CSMD1: variants seen among roughly 807,000 people sequenced by gnomAD.
The protein encoded by CSMD1 is CUB and sushi domain-containing protein 1.
CSMD1 carries 213 observed loss-of-function variants against 417.5 expected under a neutral mutation model. That is an observed-to-expected ratio of 0.51 (90% CI 0.46 to 0.57). The LOEUF is 0.57. Among genes scored for constraint, CSMD1 ranks in the 20% least tolerant of loss-of-function variants. The pLI is 0.00. For missense variants in CSMD1, 6,923 were observed against 4,529.7 expected (o/e 1.53, Z -15.17); for synonymous variants, 2,862 against 1,736.8 (o/e 1.65, Z -16.11).
intron 12 of CSMD1, among the ~76,000 whole-genome samples, chr8:3,434,415 A>G (rs1380664620): frequency 6.6e-6 from 1 of 152,220 alleles, no homozygotes; most frequent in Non-Finnish European, 1.5e-5. Flanking sequence ...AGTTCCAGTT[A>G]ATTCAATATT....
intron 1 of CSMD1, among the ~76,000 whole-genome samples, chr8:4,795,563 G>A (rs1797933954): frequency 6.6e-6 from 1 of 151,950 alleles, no homozygotes; most frequent in South Asian, 2.1e-4. Flanking sequence ...CACCCGGCCA[G>A]CTTTCTTAAG....
chr8:3,378,940 A>C (rs559546175), intron 18 of CSMD1, among the ~76,000 whole-genome samples: 31 of 152,354 alleles, frequency 2.0e-4, no homozygotes, highest in African/African-American at 7.0e-4. Flanking sequence ...TCAAATAGGA[A>C]GAGATGAAGT....
intron 3 of CSMD1, among the ~76,000 whole-genome samples, chr8:4,106,516 G>C (rs1801576546): frequency 1.3e-5 from 2 of 152,000 alleles, no homozygotes; most frequent in African/African-American, 2.4e-5. Flanking sequence ...CAGAATGAGA[G>C]CCTCCTATGA....
chr8:4,797,498 C>A (rs568300615), intron 1 of CSMD1, among the ~76,000 whole-genome samples: 9 of 152,094 alleles, frequency 5.9e-5, no homozygotes. Context: ...GTGGTCTTTG[C>A]CAGCACTTTT....
intron 8 of CSMD1, among the ~76,000 whole-genome samples, chr8:3,592,042 G>A (rs780781342): frequency 2.6e-5 from 4 of 152,052 alleles, no homozygotes; most frequent in African/African-American, 9.7e-5. Context: ...GATGACAGAC[G>A]AATAGATGGA....
chr8:3,764,675 C>G (rs1293571621), intron 5 of CSMD1, among the ~76,000 whole-genome samples: 1 of 151,626 alleles, frequency 6.6e-6, no homozygotes, highest in African/African-American at 2.4e-5. Flanking sequence ...AGTTCATTAT[C>G]TAGAGCAGTA....
intron 5 of CSMD1, among the ~76,000 whole-genome samples, chr8:3,896,856 A>G (rs905628498): frequency 1.3e-5 from 2 of 151,990 alleles, no homozygotes; most frequent in Non-Finnish European, 2.9e-5. Context: ...CAGGAAAAAA[A>G]TTTTAAAAAG....
chr8:4,552,351 G>A (rs1474070997), intron 2 of CSMD1, among the ~76,000 whole-genome samples: 1 of 150,954 alleles, frequency 6.6e-6, no homozygotes, highest in Admixed American at 6.6e-5. Context: ...TTTTCTTTTG[G>A]CTTCTGTGAA....
chr8:3,112,163 T>G (rs1173569431), intron 42 of CSMD1, among the ~76,000 whole-genome samples: 2 of 151,962 alleles, frequency 1.3e-5, no homozygotes, highest in African/African-American at 4.8e-5. Context: ...GAGTCCCTAC[T>G]GTCTAGCTCA....
intron 3 of CSMD1, among the ~76,000 whole-genome samples, chr8:4,340,712 A>G (rs1035925000): frequency 1.3e-5 from 2 of 152,096 alleles, no homozygotes; most frequent in Middle Eastern, 3.2e-3. Context: ...TAAACAAAAT[A>G]TCAGCACGTG....
chr8:3,524,546 C>T (rs1797673786), intron 10 of CSMD1, among the ~76,000 whole-genome samples: 1 of 150,956 alleles, frequency 6.6e-6, no homozygotes, highest in Admixed American at 6.6e-5. Flanking sequence ...CACAAGCACA[C>T]ACATGCACAC....
At chr8:4,387,731 AC>A (rs1803552458) in intron 3 of CSMD1, among the ~76,000 whole-genome samples, 1 of 152,142 alleles carries the variant, frequency 6.6e-6, no homozygotes, top group Non-Finnish European at 1.5e-5. Context: ...GCTAAAATAG[AC>A]ATATTTCTAC....
chr8:3,770,186 C>T (rs1252270607), intron 5 of CSMD1, among the ~76,000 whole-genome samples: 1 of 152,196 alleles, frequency 6.6e-6, no homozygotes, highest in Non-Finnish European at 1.5e-5. Context: ...GGTCCCTCTC[C>T]CATGATTTTG....
chr8:4,598,157 G>A (rs1025618077), intron 2 of CSMD1, among the ~76,000 whole-genome samples: 6 of 152,094 alleles, frequency 3.9e-5, no homozygotes, highest in Non-Finnish European at 8.8e-5. Flanking sequence ...AAAAAGTCAA[G>A]TTAGATAAAT....
intron 5 of CSMD1, among the ~76,000 whole-genome samples, chr8:3,787,179 A>C (rs1429072029): frequency 5.3e-5 from 8 of 152,184 alleles, no homozygotes; most frequent in African/African-American, 1.7e-4. Flanking sequence ...ACTTTCTAGA[A>C]AGGAAAAAAT....
intron 1 of CSMD1, among the ~76,000 whole-genome samples, chr8:4,724,597 T>C (rs934862833): frequency 2.0e-5 from 3 of 151,478 alleles, no homozygotes; most frequent in African/African-American, 7.3e-5. Context: ...TGAAGAAGAA[T>C]TGACATAATA....
At position 3,408,141 on chromosome 8, in the gene CSMD1, C is replaced by G. The variant is rs749943389; in HGVS notation, c.1829G>C (p.Cys610Ser). ...TGGCTCCGAGATAATCAACCAGACACAGTTCATGTTGTTCCCATATTCCTC... is the reference window on the plus strand; with the variant it reads ...TGGCTCCGAGATAATCAACCAGACAGAGTTCATGTTGTTCCCATATTCCTC... ...YPEEYGNNMNCVWLIISEPGS... is the reference protein window; with the variant it reads ...YPEEYGNNMNSVWLIISEPGS... Residue 610 changes from cysteine to serine, a missense_variant, in exon 14 of 70, where the codon TGT becomes TCT. By Grantham distance (112) the Cys-to-Ser change is moderately radical. Coordinates refer to ENST00000635120, the MANE Select transcript of CSMD1 (RefSeq NM_033225.6). The G allele has an allele frequency of 1.9e-6, 3 of 1,613,374 alleles. No homozygotes were observed. The highest frequency in any genetic ancestry group is 2.5e-6 in the Non-Finnish European group (3 of 1,179,600).
intron 3 of CSMD1, among the ~76,000 whole-genome samples, chr8:4,158,875 T>C (rs959311845): frequency 6.6e-6 from 1 of 152,158 alleles, no homozygotes; most frequent in Non-Finnish European, 1.5e-5. Context: ...AAGTCCTCAG[T>C]TTACTACTGT....
chr8:4,474,254 ATTATGT>A (rs1288322691), intron 2 of CSMD1, among the ~76,000 whole-genome samples: 1 of 152,166 alleles, frequency 6.6e-6, no homozygotes, highest in Non-Finnish European at 1.5e-5. Flanking sequence ...ATAAATTTAA[ATTATGT>A]TTATGTTTAT....
Sources: allele counts gnomAD v4.1 joint callset (sites outside exome capture counted in the v4.1 genomes callset), GRCh38; gene constraint gnomAD v4.1.1; transcripts MANE v1.5; gene names NCBI Gene and HGNC (gene_info 2026-07-23, HGNC 2026-07-21).